Variants in EVL observed in about 807,000 individuals in gnomAD.
EVL encodes the protein Enah/Vasp-like.
A neutral mutation model predicts 59.6 loss-of-function variants in EVL; 21 were observed. The observed-to-expected ratio is 0.35, with a 90% confidence interval of 0.25 to 0.51. The LOEUF is 0.51. Among genes scored for constraint, EVL ranks in the 20% least tolerant of loss-of-function variants. The pLI is 0.97. For missense variants in EVL, 462 were observed against 546.6 expected (o/e 0.85, Z 1.54); for synonymous variants, 198 against 203.5 (o/e 0.97, Z 0.23).
At chr14:100,094,555 A>C (rs1412766458) in intron 2 of EVL, among the ~76,000 whole-genome samples, 1 of 150,386 alleles carries the variant, frequency 6.6e-6, no homozygotes, top group African/African-American at 2.5e-5. Context: ...AGCCTGGTCA[A>C]CATGGTGAAA....
chr14:100,004,142 T>TA (rs761928953), intron 1 of EVL, among the ~76,000 whole-genome samples: 1 of 152,172 alleles, frequency 6.6e-6, no homozygotes, highest in Non-Finnish European at 1.5e-5. Flanking sequence ...AGGCAGAGGT[T>TA]ACAGTGAGCT....
At chr14:100,001,656 G>A (rs979256216) in intron 1 of EVL, among the ~76,000 whole-genome samples, 1 of 152,180 alleles carries the variant, frequency 6.6e-6, no homozygotes, top group African/African-American at 2.4e-5. Flanking sequence ...AAATAACTAT[G>A]AGTCAGGTGA....
At chr14:100,079,083 G>A (rs75321960) in intron 1 of EVL, among the ~76,000 whole-genome samples, 3,842 of 152,310 alleles carry the variant, frequency 0.025, 155 homozygotes, top group African/African-American at 0.088. Context: ...CTCTGGAGGA[G>A]CGGGTCTTTC....
chr14:100,030,013 C>A (rs2140215873), intron 1 of EVL, among the ~76,000 whole-genome samples: 1 of 152,176 alleles, frequency 6.6e-6, no homozygotes, highest in South Asian at 2.1e-4. Context: ...TACTTAAGTT[C>A]TCTGTGCCTT....
At chr14:100,044,960 A>C (rs2061525775) in intron 1 of EVL, among the ~76,000 whole-genome samples, 2 of 152,146 alleles carry the variant, frequency 1.3e-5, no homozygotes, top group Non-Finnish European at 2.9e-5. Flanking sequence ...AGACCCTATA[A>C]AAATAAATAA....
chr14:100,026,274 A>G (rs1234009767), intron 1 of EVL, among the ~76,000 whole-genome samples: 1 of 151,918 alleles, frequency 6.6e-6, no homozygotes, highest in Non-Finnish European at 1.5e-5. Context: ...TTGTGTCCAT[A>G]GTGCCTTGCA....
intron 1 of EVL, among the ~76,000 whole-genome samples, chr14:100,024,070 A>G (rs1157812810): frequency 1.3e-5 from 2 of 152,238 alleles, no homozygotes; most frequent in African/African-American, 4.8e-5. Context: ...GGAGGAATGT[A>G]GTGTACCAAG....
At chr14:100,071,726 C>T (rs1019763698) in intron 1 of EVL, among the ~76,000 whole-genome samples, 17 of 152,112 alleles carry the variant, frequency 1.1e-4, no homozygotes, top group African/African-American at 4.1e-4. Flanking sequence ...AAAATACCAC[C>T]TGCAAGGTGG....
At chr14:100,027,499 A>G (rs568830239) in intron 1 of EVL, among the ~76,000 whole-genome samples, 2 of 152,260 alleles carry the variant, frequency 1.3e-5, no homozygotes, top group African/African-American at 4.8e-5. Flanking sequence ...GAGAATATGT[A>G]GTATTCGTCT....
chr14:100,113,921 A>T (rs1887162130), intron 3 of EVL, among the ~76,000 whole-genome samples: 1 of 152,186 alleles, frequency 6.6e-6, no homozygotes, highest in Admixed American at 6.5e-5. Flanking sequence ...CACATGGACC[A>T]GTGGAGAACC....
At chr14:100,118,389 CAG>C (rs754224829) in intron 3 of EVL, among the ~76,000 whole-genome samples, 1 of 152,212 alleles carries the variant, frequency 6.6e-6, no homozygotes, top group Non-Finnish European at 1.5e-5. Flanking sequence ...ATCCTTATGT[CAG>C]AGAGAGATGC....
At chr14:99,988,431 A>G (rs978124557) in intron 1 of EVL, among the ~76,000 whole-genome samples, 1 of 152,220 alleles carries the variant, frequency 6.6e-6, no homozygotes, top group Non-Finnish European at 1.5e-5. Flanking sequence ...GATAACCCTT[A>G]CACATTGGGA....
At chr14:100,051,403 A>G (rs1346576753) in intron 1 of EVL, among the ~76,000 whole-genome samples, 1 of 152,228 alleles carries the variant, frequency 6.6e-6, no homozygotes, top group Non-Finnish European at 1.5e-5. Flanking sequence ...GCCTTGGAAC[A>G]TATCCCCCCA....
intron 2 of EVL, among the ~76,000 whole-genome samples, chr14:100,096,256 C>A (rs1262076785): frequency 6.6e-6 from 1 of 152,216 alleles, no homozygotes; most frequent in Non-Finnish European, 1.5e-5. Flanking sequence ...TTATCCCCAA[C>A]CTCAGATCAC....
intron 1 of EVL, among the ~76,000 whole-genome samples, chr14:100,005,963 A>AAGT (rs3072371): frequency 0.2 from 29,474 of 150,004 alleles, 4,697 homozygotes; most frequent in East Asian, 0.43. Context: ...AAAGCCCTTT[A>AAGT]AGTCAAAAAA....
intron 8 of EVL, among the ~76,000 whole-genome samples, chr14:100,134,306 G>A (rs1467628882): frequency 6.6e-6 from 1 of 152,126 alleles, no homozygotes; most frequent in Non-Finnish European, 1.5e-5. Flanking sequence ...CCAGTATGTT[G>A]CAGTCCCAGC....
intron 1 of EVL, among the ~76,000 whole-genome samples, chr14:99,990,804 C>A (rs2060870679): frequency 6.6e-6 from 1 of 152,012 alleles, no homozygotes; most frequent in Non-Finnish European, 1.5e-5. Context: ...GTGAATAATT[C>A]TGCAGTGAGC....
chr14:100,074,545 A>G (rs534006154), intron 1 of EVL: 2 of 152,700 alleles, frequency 1.3e-5, no homozygotes, highest in African/African-American at 4.8e-5. Flanking sequence ...CTGGCAAACA[A>G]TAGAGCCAGA....
chr14:100,129,759 G>T, intron 7 of EVL, 75 bp downstream of exon 7: 1 of 1,447,338 alleles, frequency 6.9e-7, no homozygotes, highest in Non-Finnish European at 9.1e-7. Flanking sequence ...GCTGCACAGA[G>T]AATCCTCTCT....
Sources: allele counts gnomAD v4.1 joint callset (sites outside exome capture counted in the v4.1 genomes callset), GRCh38; gene constraint gnomAD v4.1.1; transcripts MANE v1.5; gene names NCBI Gene and HGNC (gene_info 2026-07-23, HGNC 2026-07-21).